Variants in FBN1 observed in about 807,000 individuals in gnomAD.
FBN1 encodes the protein fibrillin-1.
A neutral mutation model predicts 365.1 loss-of-function variants in FBN1; 29 were observed. The observed-to-expected ratio is 0.08, with a 90% CI of 0.06 to 0.11. The LOEUF is 0.11. FBN1 is among the 10% of genes least tolerant of loss of function. The pLI is 1.00. For missense variants in FBN1, 2,476 were observed against 3,703.2 expected, an observed-to-expected ratio of 0.67 and a Z score of 8.60; for synonymous variants, 1,210 against 1,270.5, an observed-to-expected ratio of 0.95 and a Z score of 1.01.
chr15:48,459,833 C>A (rs2141263481), intron 43 of FBN1, among the ~76,000 whole-genome samples: 2 of 151,558 alleles, frequency 1.3e-5, no homozygotes, highest in Middle Eastern at 3.4e-3. Context: ...AAAATTGATC[C>A]ACGAAAGGAC....
At chr15:48,503,732 C>G in intron 17 of FBN1, 55 bp downstream of exon 17, 1 of 1,608,908 alleles carries the variant, frequency 6.2e-7, no homozygotes, top group East Asian at 2.2e-5. Context: ...AATGCAAAGA[C>G]CTCAATGGTG....
chr15:48,511,325 C>T (rs1371758424), intron 13 of FBN1, among the ~76,000 whole-genome samples: 2 of 152,046 alleles, frequency 1.3e-5, no homozygotes, highest in African/African-American at 2.4e-5. Flanking sequence ...CAACAACCTA[C>T]GATCTTTTTC....
intron 2 of FBN1, among the ~76,000 whole-genome samples, chr15:48,619,449 T>TCTCCCTCCTTCTCTCC (rs1889724292): frequency 6.6e-6 from 1 of 152,022 alleles, no homozygotes; most frequent in Non-Finnish European, 1.5e-5. Context: ...TCTGTTTCTC[T>TCTCCCTCCTTCTCTCC]CTCCCTCCTT....
In FBN1 at chr15:48,446,709, T is replaced by C. The variant is rs755073529; in HGVS notation, c.5785A>G (p.Ile1929Val). 1 of 1,603,266 alleles carries C rather than the reference T, an allele frequency of 6.2e-7. No individual in the cohort carries two copies. The highest frequency in any genetic ancestry group is 8.5e-7 in the Non-Finnish European group (1 of 1,170,164). ...ATGCACAATTTTGCACACGCACCTA[T>C]ACAGTCATTGTTGTGAGAAAGGATG... The part of the protein sequence containing the change: ...GFILSHNNDC[I>V]DVDECASGNG... The change falls in exon 47 of 66, where the codon ATA (isoleucine) becomes GTA (valine). Residue 1929 changes from isoleucine (I) to valine (V), a missense_variant. Ile to Val is a conservative substitution (Grantham distance 29, BLOSUM62 3). Coordinates refer to ENST00000316623, the MANE Select transcript of FBN1 (RefSeq NM_000138.5).
In FBN1 at chr15:48,434,685, A is replaced by G. The variant is rs1164471745; in HGVS notation, c.6525T>C (p.Pro2175=). The G allele has an allele frequency of 1.9e-6, 3 of 1,613,760 alleles. No homozygotes were observed. The highest frequency in any genetic ancestry group is 2.2e-5 in the East Asian group (1 of 44,876). ...CATTCTTGCAGGTTCCATTTCCACA[A>G]GGATTGCCAACAGAACATTCATCAG... ...VDTDECSVGN[P]CGNGTCKNVI... Residue 2175 remains proline (P), a synonymous_variant, in exon 54 of 66, where the codon CCT becomes CCC. Transcript: ENST00000316623.
chr15:48,500,960 CT>C (rs2043649944), intron 17 of FBN1, among the ~76,000 whole-genome samples: 1 of 152,204 alleles, frequency 6.6e-6, no homozygotes. Context: ...TTTAAACAGC[CT>C]ACCCCCCATT....
intron 45 of FBN1, among the ~76,000 whole-genome samples, chr15:48,449,201 T>A (rs1017545125): frequency 7.2e-5 from 11 of 152,204 alleles, no homozygotes; most frequent in Non-Finnish European, 1.5e-4. Flanking sequence ...ATTATCGGCC[T>A]ACGCAGCACC....
intron 6 of FBN1, among the ~76,000 whole-genome samples, chr15:48,583,129 G>A (rs1020848543): frequency 5.3e-4 from 81 of 152,310 alleles, no homozygotes; most frequent in African/African-American, 1.9e-3. Flanking sequence ...TCCAGAAGGC[G>A]GGATGCGTGT....
Position 48,468,053 on chromosome 15 carries a change from A to C in FBN1, c.4632T>G (p.Asn1544Lys). ...TTTCATTGCTGCAGGCTGTATCTCC[A>C]TTGTCTCCTCGAGGTCGAATATCCA... is the stretch of plus-strand genomic sequence containing the variant. ...CYLDIRPRGD[N>K]GDTACSNEIG... is the part of the protein sequence containing the mutation. The change falls in exon 38 of 66, where the codon AAT (asparagine) becomes AAG (lysine). Residue 1544 changes from asparagine (N) to lysine (K), a missense_variant. Transcript: ENST00000316623. The C allele has an allele frequency of 1.9e-6, 3 of 1,614,166 alleles. No homozygotes were observed. The highest frequency in any genetic ancestry group is 2.5e-6 in the Non-Finnish European group (3 of 1,180,018).
chr15:48,476,943 G>C (rs551212172), intron 32 of FBN1, among the ~76,000 whole-genome samples: 1 of 151,996 alleles, frequency 6.6e-6, no homozygotes, highest in South Asian at 2.1e-4. Context: ...CATTTCTTTA[G>C]TCATATCAGG....
intron 51 of FBN1, 126 bp from the exon 52 acceptor site, chr15:48,437,513 C>A: frequency 1.1e-6 from 1 of 923,714 alleles, no homozygotes; most frequent in East Asian, 2.5e-5. Context: ...AAAACAAGCC[C>A]AGAAACCAGA....
chr15:48,468,678 A>G, intron 36 of FBN1, 144 bp from the exon 37 acceptor site: 1 of 804,796 alleles, frequency 1.2e-6, no homozygotes, highest in South Asian at 1.5e-5. Flanking sequence ...GCAGTCTTCC[A>G]CTTCAGAGAT....
At chr15:48,562,740 G>A (rs532984373) in intron 6 of FBN1, among the ~76,000 whole-genome samples, 1 of 152,266 alleles carries the variant, frequency 6.6e-6, no homozygotes, top group East Asian at 1.9e-4. Flanking sequence ...TTTGAGGAAA[G>A]CATCTTCCCT....
intron 6 of FBN1, among the ~76,000 whole-genome samples, chr15:48,583,012 T>C (rs2044407327): frequency 6.6e-6 from 1 of 152,132 alleles, no homozygotes; most frequent in Non-Finnish European, 1.5e-5. Flanking sequence ...AGAGCTCCTA[T>C]TCCCAGCGTG....
intron 26 of FBN1, 30 bp from the exon 27 acceptor site, chr15:48,488,271 G>T: frequency 6.2e-7 from 1 of 1,614,220 alleles, no homozygotes; most frequent in Non-Finnish European, 8.5e-7. Flanking sequence ...GGCAGCAAAT[G>T]AGTCTCAGGA....
chr15:48,618,669 C>G (rs1889706835), intron 2 of FBN1, among the ~76,000 whole-genome samples: 1 of 152,226 alleles, frequency 6.6e-6, no homozygotes, highest in Non-Finnish European at 1.5e-5. Flanking sequence ...GGTCCATGTC[C>G]TGTTAGGAAC....
intron 6 of FBN1, among the ~76,000 whole-genome samples, chr15:48,589,672 G>C (rs2044462390): frequency 7.1e-6 from 1 of 140,786 alleles, no homozygotes; most frequent in African/African-American, 2.9e-5. Flanking sequence ...GGAGTGCAGT[G>C]GCGTGATCTC....
At chr15:48,481,464 C>A (rs542387196) in intron 32 of FBN1, among the ~76,000 whole-genome samples, 191 bp downstream of exon 32, 1 of 152,120 alleles carries the variant, frequency 6.6e-6, no homozygotes, top group Admixed American at 6.5e-5. Flanking sequence ...AAGAAAAAAA[C>A]CTGCAACTTG....
In FBN1 at chr15:48,409,142, T is replaced by C. The variant is rs1446489393; in HGVS notation, c.*1848A>G. The stretch of plus-strand genomic sequence containing the variant: ...TTTAAGATGTTAATGGCCTGTTAGG[T>C]GGAAGAAAGCATCTTTGTCCAATGG... On this transcript the variant is annotated 3_prime_UTR_variant, in exon 66 of 66. Coordinates refer to ENST00000316623, the MANE Select transcript of FBN1 (RefSeq NM_000138.5). 2 of 152,186 alleles carry C rather than the reference T, an allele frequency of 1.3e-5. No homozygotes were observed. Among genetic ancestry groups the C allele is most frequent in the Non-Finnish European group, 2.9e-5 (2 of 68,034 alleles). The allele number at this position is 152,186 out of a possible 1,614,324, so 9.4% of individuals were successfully genotyped here. A position where few individuals can be genotyped will look rare whatever the true frequency, so the allele number is the denominator to read the frequency against.
Sources: gnomAD v4.1 joint callset for allele counts (sites outside exome capture counted in the v4.1 genomes callset) on GRCh38, gnomAD v4.1.1 for gene constraint, MANE v1.5 for transcripts, NCBI Gene and HGNC (gene_info 2026-07-23, HGNC 2026-07-21) for gene names.